ERN1: variants seen among roughly 807,000 people sequenced by gnomAD.
ERN1 encodes the protein serine/threonine-protein kinase/endoribonuclease IRE1.
In ERN1, 39 loss-of-function variants were observed where a neutral mutation model predicts 113.1. That is an observed-to-expected ratio of 0.34 (90% CI 0.27 to 0.45). ERN1 has a LOEUF of 0.45. ERN1 is among the 20% of genes least tolerant of loss of function. ERN1 has a pLI of 1.00. For synonymous variants in ERN1, 507 were observed against 515.9 expected (o/e 0.98, Z 0.23); for missense variants, 976 against 1,274.8 (o/e 0.77, Z 3.57).
intron 2 of ERN1, among the ~76,000 whole-genome samples, chr17:64,097,521 T>G (rs1275951052): frequency 6.6e-6 from 1 of 152,204 alleles, no homozygotes; most frequent in Non-Finnish European, 1.5e-5. Flanking sequence ...AAAGATTACT[T>G]TGGAAATCAA....
intron 1 of ERN1, among the ~76,000 whole-genome samples, chr17:64,104,828 G>C (rs1914479527): frequency 6.6e-6 from 1 of 151,066 alleles, no homozygotes; most frequent in Non-Finnish European, 1.5e-5. Flanking sequence ...CAAAAAAAAA[G>C]GGTCAGAAAT....
chr17:64,128,390 A>G (rs953216101), intron 1 of ERN1, among the ~76,000 whole-genome samples: 3 of 152,152 alleles, frequency 2.0e-5, no homozygotes, highest in African/African-American at 7.2e-5. Context: ...GAACTCTGAG[A>G]AGTTTGGATT....
rs779927194 is a variant in ERN1, at chr17:64,053,009, C to T, written c.2054-30G>A. ...CAGAGAACTCCAGATTAGTCCAATG[C>T]TTACCAGGAGCAACCCCAGGCCTCC... On this transcript the variant is annotated intron_variant, in intron 16 of 21. Coordinates refer to ENST00000433197, the MANE Select transcript of ERN1 (RefSeq NM_001433.5). 4 of 1,514,338 alleles carry T rather than the reference C, an allele frequency of 2.6e-6. No homozygotes were observed. The Admixed American group carries it at 8.3e-5, about 31-fold the overall frequency. 93.8% of individuals were successfully genotyped at this position (1,514,338 alleles called of 1,614,324 possible).
In ERN1 at chr17:64,065,087, A is replaced by G; in HGVS notation, c.921+122T>C. The G allele has an allele frequency of 3.1e-6, 2 of 638,538 alleles. 1 individual carries two copies. Among genetic ancestry groups the G allele is most frequent in the Admixed American group, 6.6e-5 (2 of 30,286 alleles). The allele number at this position is 638,538 out of a possible 1,614,324, so 39.6% of individuals were successfully genotyped here. A position where few individuals can be genotyped will look rare whatever the true frequency, so the allele number is the denominator to read the frequency against. On this transcript the variant is annotated intron_variant, in intron 9 of 21. Transcript: ENST00000433197. ...GTGGCATGTGCAGAAACTGTTTTTG[A>G]GAACTTAAGATTTGTGTTTTTCATT...
intron 1 of ERN1, among the ~76,000 whole-genome samples, chr17:64,114,897 G>A (rs1357413896): frequency 1.3e-5 from 2 of 152,036 alleles, no homozygotes; most frequent in Non-Finnish European, 2.9e-5. Flanking sequence ...TAGTAAATAT[G>A]GCTGTTTTTG....
intron 4 of ERN1, among the ~76,000 whole-genome samples, chr17:64,076,604 CTT>C (rs5821421): frequency 1.3e-3 from 190 of 141,016 alleles, no homozygotes; most frequent in Non-Finnish European, 1.2e-3. Context: ...AGGGCATCCT[CTT>C]TTTTTTTTTT....
At chr17:64,094,938 T>C (rs1914189383) in intron 2 of ERN1, among the ~76,000 whole-genome samples, 1 of 152,230 alleles carries the variant, frequency 6.6e-6, no homozygotes, top group Non-Finnish European at 1.5e-5. Flanking sequence ...AGCATCTGGA[T>C]ACCTTTATCA....
intron 1 of ERN1, among the ~76,000 whole-genome samples, chr17:64,118,200 T>C (rs533658735): frequency 5.6e-4 from 86 of 152,264 alleles, no homozygotes; most frequent in African/African-American, 1.9e-3. Context: ...TCTGGTTCCG[T>C]TGCTTTGTTT....
In ERN1 at chr17:64,066,855, G is replaced by C; in HGVS notation, c.658C>G (p.Gln220Glu). 1.9e-6 allele frequency: 3 copies of C among 1,613,854 alleles called. No homozygotes were observed. The highest frequency in any genetic ancestry group is 2.5e-6 in the Non-Finnish European group (3 of 1,179,842). ...GCCACCACAGGGGAGGCGTAGTTTT[G>C]GATCCACAGGACGTCCCCAGATTCA... Reference protein sequence around the residue: ...DSESGDVLWIQNYASPVVAFY... With the variant: ...DSESGDVLWIENYASPVVAFY... The change falls in exon 8 of 22, where the codon CAA becomes GAA. Residue 220 changes from glutamine to glutamate, a missense_variant. By Grantham distance (29) the Gln-to-Glu change is conservative (BLOSUM62 2). Coordinates refer to ENST00000433197, the MANE Select transcript of ERN1 (RefSeq NM_001433.5).
Position 64,040,508 on chromosome 17 carries a change from GA to G in ERN1, c.*3479del, listed in dbSNP as rs2143300510. The G allele has an allele frequency of 6.6e-6, 1 of 152,376 alleles. No homozygotes were observed. The highest frequency in any genetic ancestry group is 2.1e-4 in the South Asian group (1 of 4,826). 9.4% of individuals were successfully genotyped at this position (152,376 alleles called of 1,614,324 possible). ...ACCAATTAATCTCTCACTGCAGCAA[GA>G]AAAGAATTGCCAAAGATAACTGAAT... is the stretch of plus-strand genomic sequence containing the variant. On this transcript the variant is annotated 3_prime_UTR_variant, in exon 22 of 22. Coordinates refer to ENST00000433197, the MANE Select transcript of ERN1 (RefSeq NM_001433.5).
chr17:64,075,754 T>C (rs76808207), intron 4 of ERN1, among the ~76,000 whole-genome samples: 2 of 152,260 alleles, frequency 1.3e-5, no homozygotes, highest in South Asian at 2.1e-4. Context: ...TTTACACAAA[T>C]ATGGAGAGTT....
intron 5 of ERN1, among the ~76,000 whole-genome samples, chr17:64,072,785 A>G (rs1386414271): frequency 6.6e-6 from 1 of 152,252 alleles, no homozygotes; most frequent in East Asian, 1.9e-4. Flanking sequence ...ATATGTATCA[A>G]TGGTATATAC....
At chr17:64,094,252 G>A (rs1046432024) in intron 2 of ERN1, among the ~76,000 whole-genome samples, 5 of 152,148 alleles carry the variant, frequency 3.3e-5, no homozygotes, top group East Asian at 1.9e-4. Flanking sequence ...TCCAGTTGCC[G>A]TGGCTATGGT....
intron 8 of ERN1, among the ~76,000 whole-genome samples, chr17:64,066,215 G>T (rs145514967): frequency 1.4e-3 from 220 of 152,192 alleles, no homozygotes; most frequent in African/African-American, 5.2e-3. Context: ...AGAAAATATA[G>T]AAAGTTAAAA....
intron 1 of ERN1, among the ~76,000 whole-genome samples, chr17:64,127,523 G>A (rs1410033042): frequency 6.6e-6 from 1 of 152,176 alleles, no homozygotes; most frequent in Admixed American, 6.5e-5. Context: ...GAAGGCCAAG[G>A]TGGGTGGATC....
rs182837030 is a variant in ERN1, at chr17:64,068,205, C to T, written c.565G>A (p.Asp189Asn). The change falls in exon 7 of 22, where the codon GAC (aspartate) becomes AAC (asparagine). Residue 189 changes from aspartate (D) to asparagine (N), a missense_variant. Asp to Asn is a conservative substitution (Grantham distance 23). Transcript: ENST00000433197. ...GAGCACTTACTGTAGTCCACGTCGT[C>T]CTCAGGCAGTGAGGCCGCATAGTCA... The part of the protein sequence containing the change: ...YFDYAASLPE[D>N]DVDYKMSHFV... The T allele has an allele frequency of 3.3e-5, 53 of 1,610,210 alleles. No individual in the cohort carries two copies. In the African/African-American group the frequency reaches 4.9e-4, roughly 15 times the overall value.
chr17:64,082,295 T>C (rs1252241765), intron 2 of ERN1, among the ~76,000 whole-genome samples: 1 of 152,090 alleles, frequency 6.6e-6, no homozygotes, highest in Non-Finnish European at 1.5e-5. Flanking sequence ...AGTAAGCACA[T>C]GTTTATCTTT....
chr17:64,060,321 AC>A (rs1289562439), intron 11 of ERN1, 147 bp downstream of exon 11: 1 of 626,022 alleles, frequency 1.6e-6, no homozygotes, highest in Non-Finnish European at 2.9e-6. Context: ...CTAGCCCTTA[AC>A]CATTTATGTT....
At chr17:64,086,104 T>C (rs1365379496) in intron 2 of ERN1, among the ~76,000 whole-genome samples, 1 of 152,212 alleles carries the variant, frequency 6.6e-6, no homozygotes, top group Non-Finnish European at 1.5e-5. Context: ...ACTCCTCCTT[T>C]GCCTATAAAC....
Sources: allele counts gnomAD v4.1 joint callset (sites outside exome capture counted in the v4.1 genomes callset), GRCh38; gene constraint gnomAD v4.1.1; transcripts MANE v1.5; gene names NCBI Gene and HGNC (gene_info 2026-07-23, HGNC 2026-07-21).